COL9A1: variants seen among roughly 807,000 people sequenced by gnomAD.
The protein encoded by COL9A1 is collagen type IX alpha 1 chain, also known as collagen alpha-1(IX) chain.
Under a neutral mutation model 142.6 loss-of-function variants are expected in COL9A1, and 104 were observed. That is an observed-to-expected ratio of 0.73 (90% CI 0.62 to 0.86). The LOEUF (loss-of-function observed/expected upper bound fraction) is 0.86. COL9A1 is among the 40% of genes least tolerant of loss of function. COL9A1 has a pLI of 0.00. For missense variants in COL9A1, 1,210 were observed against 1,176.6 expected (o/e 1.03, Z -0.42); for synonymous variants, 466 against 396.0 (o/e 1.18, Z -2.10).
intron 27 of COL9A1, 36 bp downstream of exon 27, chr6:70,252,226 G>T: frequency 6.2e-7 from 1 of 1,614,102 alleles, no homozygotes; most frequent in South Asian, 1.1e-5. Context: ...GATTACAACA[G>T]GTTAGAACTT....
At chr6:70,219,775 T>A (rs1768754466) in intron 37 of COL9A1, among the ~76,000 whole-genome samples, 1 of 152,262 alleles carries the variant, frequency 6.6e-6, no homozygotes, top group African/African-American at 2.4e-5. Flanking sequence ...GGAAGCTGAG[T>A]CTTTAAATAA....
Position 70,274,243 on chromosome 6 carries a change from G to A in COL9A1, c.1030-161C>T, listed in dbSNP as rs1331477868. 2.7e-5 allele frequency among the ~76,000 whole-genome samples: 4 copies of A among 150,050 alleles called. No individual in the cohort carries two copies. In the East Asian group the frequency reaches 5.8e-4, roughly 22 times the overall value. On this transcript the variant is annotated intron_variant, in intron 11 of 37. Coordinates refer to ENST00000357250, the MANE Select transcript of COL9A1 (RefSeq NM_001851.6). The stretch of plus-strand genomic sequence containing the variant: ...AAGTTCAGGGGTACATGTGCAGGAT[G>A]TGCAGGTTTGTTACATAGGTAAACA...
intron 17 of COL9A1, among the ~76,000 whole-genome samples, 172 bp from the exon 18 acceptor site, chr6:70,266,942 T>C (rs908068073): frequency 6.6e-6 from 1 of 152,224 alleles, no homozygotes; most frequent in East Asian, 1.9e-4. Context: ...GACTGCCATA[T>C]ATAATTAATA....
At chr6:70,225,537 G>C (rs1769176362) in intron 37 of COL9A1, among the ~76,000 whole-genome samples, 1 of 151,814 alleles carries the variant, frequency 6.6e-6, no homozygotes, top group Non-Finnish European at 1.5e-5. Flanking sequence ...TACTCCTTGT[G>C]CAAGAGATTA....
intron 19 of COL9A1, chr6:70,261,124 A>G (rs1201335771): frequency 5.5e-6 from 1 of 180,426 alleles, no homozygotes; most frequent in Non-Finnish European, 1.2e-5. Flanking sequence ...TCACCAATGG[A>G]CACCATCAAA....
rs1771183436 is a variant in COL9A1, at chr6:70,254,967, G to T, written c.1661C>A (p.Thr554Lys). 5 of 1,613,952 alleles carry T rather than the reference G, an allele frequency of 3.1e-6. No individual in the cohort carries two copies. Among genetic ancestry groups the T allele is most frequent in the Non-Finnish European group, 4.2e-6 (5 of 1,179,964 alleles). The part of the protein sequence containing the change: ...GRDGIPGMPG[T>K]KGEPGKPGPP... ...GGAGTAAATTACACAGCCTACCTTTGTTCCAGGCATTCCAGGGATCCCATC... is the reference window on the plus strand; with the variant it reads ...GGAGTAAATTACACAGCCTACCTTTTTTCCAGGCATTCCAGGGATCCCATC... The change falls in exon 24 of 38, where the codon ACA becomes AAA. Residue 554 changes from threonine to lysine, a missense_variant. Physicochemically the swap from Thr to Lys is moderately conservative, Grantham distance 78. Coordinates refer to ENST00000357250, the MANE Select transcript of COL9A1 (RefSeq NM_001851.6).
Position 70,294,344 on chromosome 6 carries a change from G to A in COL9A1, c.519C>T (p.Ser173=), listed in dbSNP as rs1348281212. Reference sequence around the variant, plus strand: ...TATGCCACTGGGAATCAAACAAGGAGGACAAATTCGAAAAGGCTGCTGTTT... The same window carrying A: ...TATGCCACTGGGAATCAAACAAGGAAGACAAATTCGAAAAGGCTGCTGTTT... ...SLQTAAFSNL[S]SLFDSQWHKI... The change falls in exon 5 of 38, where the codon TCC becomes TCT. Residue 173 remains serine (S), a synonymous_variant. Coordinates refer to ENST00000357250, the MANE Select transcript of COL9A1 (RefSeq NM_001851.6). 1.9e-6 allele frequency: 3 copies of A among 1,613,990 alleles called. No homozygotes were observed. The highest frequency in any genetic ancestry group is 4.5e-5 in the East Asian group (2 of 44,882).
intron 12 of COL9A1, among the ~76,000 whole-genome samples, chr6:70,273,647 A>G (rs1219188913): frequency 6.6e-6 from 1 of 152,174 alleles, no homozygotes; most frequent in Non-Finnish European, 1.5e-5. Context: ...TCGATATTTC[A>G]TTAGAGATAA....
chr6:70,239,310 G>GT (rs776043758), intron 32 of COL9A1, 24 bp from the exon 33 acceptor site: 2 of 1,456,522 alleles, frequency 1.4e-6, no homozygotes, highest in African/African-American at 2.8e-5. Flanking sequence ...AGAAATTTAT[G>GT]TTAGAACAAT....
intron 1 of COL9A1, 74 bp from the exon 2 acceptor site, chr6:70,302,148 T>A: frequency 1.1e-6 from 1 of 888,438 alleles, no homozygotes; most frequent in Non-Finnish European, 1.8e-6. Context: ...TTTTCAAACC[T>A]AGTAAACCTA....
chr6:70,294,693 C>G (rs1427854988), intron 4 of COL9A1, 130 bp from the exon 5 acceptor site: 2 of 834,632 alleles, frequency 2.4e-6, no homozygotes, highest in African/African-American at 3.4e-5. Flanking sequence ...ACCTATGTAC[C>G]GTTTGTTCTT....
At chr6:70,244,538 C>T (rs1285689226) in intron 28 of COL9A1, among the ~76,000 whole-genome samples, 1 of 152,160 alleles carries the variant, frequency 6.6e-6, no homozygotes, top group African/African-American at 2.4e-5. Context: ...GACTTTAATT[C>T]ACAGAACAAT....
At chr6:70,280,942 A>T in intron 9 of COL9A1, 62 bp downstream of exon 9, 18 of 1,612,766 alleles carry the variant, frequency 1.1e-5, no homozygotes, top group Non-Finnish European at 1.5e-5. Flanking sequence ...CTTCAGAAAC[A>T]GGGGGCTGCA....
At chr6:70,259,813 T>C (rs1771557682) in intron 20 of COL9A1, among the ~76,000 whole-genome samples, 1 of 152,142 alleles carries the variant, frequency 6.6e-6, no homozygotes, top group Admixed American at 6.5e-5. Flanking sequence ...CCCAGCAGCC[T>C]GCGGAGTGCC....
intron 36 of COL9A1, among the ~76,000 whole-genome samples, chr6:70,230,874 C>T (rs542267): frequency 0.092 from 14,043 of 152,202 alleles, 1,517 homozygotes; most frequent in African/African-American, 0.26. Flanking sequence ...TTTAGACTGT[C>T]CTAGCTTAGC....
chr6:70,238,825 C>T (rs1770066137), intron 33 of COL9A1, among the ~76,000 whole-genome samples: 1 of 152,128 alleles, frequency 6.6e-6, no homozygotes, highest in African/African-American at 2.4e-5. Context: ...CATTTATTTC[C>T]ATGAAAGTAA....
chr6:70,237,693 A>G (rs1769999808), intron 33 of COL9A1, among the ~76,000 whole-genome samples: 3 of 152,222 alleles, frequency 2.0e-5, no homozygotes, highest in African/African-American at 4.8e-5. Context: ...AAACTCAATC[A>G]AGGTTTACTC....
intron 10 of COL9A1, among the ~76,000 whole-genome samples, chr6:70,278,572 T>C (rs922033674): frequency 2.0e-5 from 3 of 152,180 alleles, no homozygotes; most frequent in Non-Finnish European, 4.4e-5. Flanking sequence ...AGGGATTTCC[T>C]TTTTTCTCCC....
chr6:70,223,846 A>G (rs962047067), intron 37 of COL9A1, among the ~76,000 whole-genome samples: 1 of 152,210 alleles, frequency 6.6e-6, no homozygotes, highest in African/African-American at 2.4e-5. Flanking sequence ...AAGGAAGGTT[A>G]CCGAGGTTGA....
Sources: allele counts gnomAD v4.1 joint callset (sites outside exome capture counted in the v4.1 genomes callset), GRCh38; gene constraint gnomAD v4.1.1; transcripts MANE v1.5; gene names NCBI Gene and HGNC (gene_info 2026-07-23, HGNC 2026-07-21).